The following CNTN5 variants were observed in gnomAD, a reference collection of about 807,000 sequenced individuals.
CNTN5 encodes the protein contactin 5.
Under a neutral mutation model 129.1 loss-of-function variants are expected in CNTN5, and 77 were observed. That is an observed-to-expected ratio of 0.60 (90% CI 0.50 to 0.72). CNTN5 has a LOEUF of 0.72. Among genes scored for constraint, CNTN5 ranks in the 30% least tolerant of loss-of-function variants. The pLI is 0.00. For missense variants in CNTN5, 1,478 were observed against 1,328.8 expected, an observed-to-expected ratio of 1.11 and a Z score of -1.75; for synonymous variants, 509 against 465.6, an observed-to-expected ratio of 1.09 and a Z score of -1.20.
chr11:99,226,320 G>A (rs1308887413), intron 1 of CNTN5, among the ~76,000 whole-genome samples: 1 of 152,104 alleles, frequency 6.6e-6, no homozygotes, highest in Non-Finnish European at 1.5e-5. Context: ...TACATTTGTG[G>A]ACTATAGATG....
At chr11:100,354,801 T>C (rs149356135) in intron 24 of CNTN5, among the ~76,000 whole-genome samples, 1 of 151,616 alleles carries the variant, frequency 6.6e-6, no homozygotes, top group South Asian at 2.1e-4. Context: ...CTGTAGGTAA[T>C]TGTAACACAG....
At chr11:100,186,102 G>C (rs967792975) in intron 13 of CNTN5, among the ~76,000 whole-genome samples, 1 of 152,170 alleles carries the variant, frequency 6.6e-6, no homozygotes, top group Non-Finnish European at 1.5e-5. Flanking sequence ...GCTCATGCCT[G>C]TAATCCCAGC....
chr11:99,727,707 T>G (rs1044114579), intron 3 of CNTN5, among the ~76,000 whole-genome samples: 11 of 152,174 alleles, frequency 7.2e-5, no homozygotes, highest in African/African-American at 2.4e-4. Context: ...GGTTCACTGA[T>G]ATTGACTGAA....
chr11:99,863,116 A>G (rs1213377940), intron 6 of CNTN5, among the ~76,000 whole-genome samples: 1 of 152,172 alleles, frequency 6.6e-6, no homozygotes, highest in Non-Finnish European at 1.5e-5. Flanking sequence ...CTGTTGTGTT[A>G]GAGAAAATAA....
chr11:99,212,372 G>T (rs1306968426), intron 1 of CNTN5, among the ~76,000 whole-genome samples: 1 of 152,148 alleles, frequency 6.6e-6, no homozygotes, highest in Non-Finnish European at 1.5e-5. Context: ...GGTTGTGGGG[G>T]AAGTTGCTTA....
At chr11:99,729,143 G>A (rs1450239907) in intron 3 of CNTN5, among the ~76,000 whole-genome samples, 1 of 152,098 alleles carries the variant, frequency 6.6e-6, no homozygotes, top group African/African-American at 2.4e-5. Context: ...ATAAAATGAA[G>A]ATGAAAGAGT....
intron 13 of CNTN5, among the ~76,000 whole-genome samples, chr11:100,186,480 G>A (rs1020551500): frequency 1.3e-5 from 2 of 152,134 alleles, no homozygotes; most frequent in African/African-American, 2.4e-5. Flanking sequence ...CAAGATAGGG[G>A]TAATCACAGT....
chr11:99,679,035 A>G (rs1482132110), intron 3 of CNTN5, among the ~76,000 whole-genome samples: 1 of 147,526 alleles, frequency 6.8e-6, no homozygotes, highest in Non-Finnish European at 1.5e-5. Flanking sequence ...TATATATATA[A>G]AATATATGCA....
intron 3 of CNTN5, among the ~76,000 whole-genome samples, chr11:99,785,823 CTAAA>C (rs1316480802): frequency 2.0e-5 from 3 of 152,032 alleles, no homozygotes; most frequent in Non-Finnish European, 4.4e-5. Context: ...GCTAAAAACT[CTAAA>C]TAAAGTAGGT....
chr11:99,172,319 T>C (rs79867136), intron 1 of CNTN5, among the ~76,000 whole-genome samples: 2,459 of 152,324 alleles, frequency 0.016, 48 homozygotes, highest in Non-Finnish European at 0.023. Flanking sequence ...TTTATAAGAA[T>C]ATCATTGGTA....
intron 6 of CNTN5, among the ~76,000 whole-genome samples, chr11:99,896,271 A>T (rs562644772): frequency 4.1e-4 from 62 of 152,112 alleles, no homozygotes; most frequent in African/African-American, 1.5e-3. Context: ...TTCGGCCCAT[A>T]ACACACTTAC....
chr11:100,348,899 T>C (rs1267467809), intron 23 of CNTN5, among the ~76,000 whole-genome samples: 1 of 152,016 alleles, frequency 6.6e-6, no homozygotes, highest in Admixed American at 6.6e-5. Context: ...AATATTAGAC[T>C]ATAAATGCCA....
chr11:100,347,997 C>T (rs1402695954), intron 23 of CNTN5, among the ~76,000 whole-genome samples: 4 of 151,904 alleles, frequency 2.6e-5, no homozygotes, highest in Admixed American at 6.6e-5. Flanking sequence ...AATAGCAATA[C>T]CACAATCACT....
chr11:99,480,444 C>G (rs1237077583), intron 2 of CNTN5, among the ~76,000 whole-genome samples: 1 of 152,038 alleles, frequency 6.6e-6, no homozygotes, highest in African/African-American at 2.4e-5. Context: ...ACTGGGACAT[C>G]AGAATTATCA....
intron 3 of CNTN5, among the ~76,000 whole-genome samples, chr11:99,674,290 A>G (rs1027912947): frequency 3.2e-5 from 2 of 61,934 alleles, no homozygotes; most frequent in South Asian, 1.8e-3. Flanking sequence ...CCCTTGGCCC[A>G]CCTTTTGATG....
intron 1 of CNTN5, among the ~76,000 whole-genome samples, chr11:99,241,773 C>A (rs957640621): frequency 6.6e-6 from 1 of 152,102 alleles, no homozygotes; most frequent in African/African-American, 2.4e-5. Context: ...AGTTATGTAT[C>A]AAAAGCTCCA....
chr11:100,182,918 T>C (rs1290755206), intron 13 of CNTN5, among the ~76,000 whole-genome samples: 1 of 151,916 alleles, frequency 6.6e-6, no homozygotes, highest in African/African-American at 2.4e-5. Flanking sequence ...AAAAAAACTC[T>C]AAATCTTGAA....
chr11:99,960,500 G>T (rs969726999), intron 8 of CNTN5, among the ~76,000 whole-genome samples: 1 of 151,952 alleles, frequency 6.6e-6, no homozygotes, highest in Non-Finnish European at 1.5e-5. Flanking sequence ...GACTTAATAT[G>T]ATATTTTTCC....
Position 99,423,488 on chromosome 11 carries a change from A to C in CNTN5, c.-71+98004A>C, listed in dbSNP as rs550507649. On this transcript the variant is annotated intron_variant, in intron 2 of 24. Transcript: ENST00000524871. ...ATATTCATATACATTTCAAAGAAAC[A>C]GAAAAAGTACTTACATTTTCAGGTT... Among the ~76,000 whole-genome samples the C allele has an allele frequency of 2.6e-5, 4 of 152,372 alleles. No individual in the cohort carries two copies. In the East Asian group the frequency reaches 5.8e-4, roughly 22 times the overall value.
Sources: allele counts gnomAD v4.1 joint callset (sites outside exome capture counted in the v4.1 genomes callset), GRCh38; gene constraint gnomAD v4.1.1; transcripts MANE v1.5; gene names NCBI Gene and HGNC (gene_info 2026-07-23, HGNC 2026-07-21).